PPP1R12A: variants seen among roughly 807,000 people sequenced by gnomAD.
PPP1R12A encodes protein phosphatase 1 regulatory subunit 12A, also known as myosin binding subunit.
PPP1R12A carries 19 observed loss-of-function variants against 139.6 expected under a neutral mutation model. That is an observed-to-expected ratio of 0.14 (90% CI 0.09 to 0.20). The LOEUF is 0.20. Among genes scored for constraint, PPP1R12A ranks in the 10% least tolerant of loss-of-function variants. The pLI is 1.00. For missense variants in PPP1R12A, 925 were observed against 1,211.5 expected, an observed-to-expected ratio of 0.76 and a Z score of 3.51; for synonymous variants, 427 against 420.6, an observed-to-expected ratio of 1.02 and a Z score of -0.19.
intron 1 of PPP1R12A, among the ~76,000 whole-genome samples, chr12:79,931,608 A>G (rs906812824): frequency 2.0e-5 from 3 of 152,222 alleles, no homozygotes; most frequent in Admixed American, 1.3e-4. Context: ...TCTTTACAAA[A>G]TATGCTAAAA....
chr12:79,801,171 C>A (rs1296810231), intron 14 of PPP1R12A, among the ~76,000 whole-genome samples: 2 of 150,732 alleles, frequency 1.3e-5, no homozygotes, highest in East Asian at 4.0e-4. Flanking sequence ...CATGGAGAAA[C>A]CCCATCTCTA....
At chr12:79,829,447 C>T (rs1877156981) in intron 4 of PPP1R12A, among the ~76,000 whole-genome samples, 1 of 152,066 alleles carries the variant, frequency 6.6e-6, no homozygotes. Context: ...CTAATCCTGC[C>T]TCCGTAACGG....
chr12:79,842,715 T>C (rs960462035), intron 3 of PPP1R12A, among the ~76,000 whole-genome samples: 2 of 152,096 alleles, frequency 1.3e-5, no homozygotes, highest in Non-Finnish European at 2.9e-5. Context: ...TAACTTTTTT[T>C]TTTGTTTTCA....
intron 1 of PPP1R12A, among the ~76,000 whole-genome samples, chr12:79,910,846 GAA>G (rs1431952742): frequency 1.3e-5 from 2 of 152,160 alleles, no homozygotes; most frequent in African/African-American, 4.8e-5. Flanking sequence ...TTTGAAAAGG[GAA>G]AGTGGAAAGT....
intron 2 of PPP1R12A, among the ~76,000 whole-genome samples, chr12:79,851,474 T>C (rs1436492254): frequency 6.6e-6 from 1 of 152,222 alleles, no homozygotes; most frequent in Non-Finnish European, 1.5e-5. Context: ...ATGTGACATG[T>C]AGTCTCCATG....
intron 9 of PPP1R12A, among the ~76,000 whole-genome samples, chr12:79,812,301 CTCT>C (rs1874641786): frequency 6.6e-6 from 1 of 151,904 alleles, no homozygotes; most frequent in Non-Finnish European, 1.5e-5. Flanking sequence ...CCATTAAACT[CTCT>C]TCTTTGGCTT....
chr12:79,911,333 C>T (rs918089679), intron 1 of PPP1R12A, among the ~76,000 whole-genome samples: 3 of 152,064 alleles, frequency 2.0e-5, no homozygotes, highest in Admixed American at 1.3e-4. Context: ...TTATCCTAAG[C>T]GAACTAACAC....
intron 3 of PPP1R12A, among the ~76,000 whole-genome samples, chr12:79,840,564 T>G (rs1011280995): frequency 1.3e-5 from 2 of 152,190 alleles, no homozygotes; most frequent in Non-Finnish European, 2.9e-5. Flanking sequence ...CTACATGAAC[T>G]CATCTAATCA....
chr12:79,858,517 C>G (rs1466336587), intron 2 of PPP1R12A, among the ~76,000 whole-genome samples: 2 of 152,164 alleles, frequency 1.3e-5, no homozygotes, highest in Non-Finnish European at 2.9e-5. Flanking sequence ...GCTGGTAATT[C>G]ATTCAAAGTT....
At chr12:79,902,433 T>C (rs1021634407) in intron 1 of PPP1R12A, among the ~76,000 whole-genome samples, 1 of 152,130 alleles carries the variant, frequency 6.6e-6, no homozygotes, top group African/African-American at 2.4e-5. Flanking sequence ...AGTCTTGAAA[T>C]CTTTGACACC....
intron 22 of PPP1R12A, among the ~76,000 whole-genome samples, chr12:79,782,882 A>C (rs1453134501): frequency 6.6e-6 from 1 of 152,200 alleles, no homozygotes; most frequent in Non-Finnish European, 1.5e-5. Context: ...TTTCACTGTT[A>C]AATGTGGTAA....
intron 2 of PPP1R12A, among the ~76,000 whole-genome samples, chr12:79,861,567 C>A (rs1881318928): frequency 6.6e-6 from 1 of 152,154 alleles, no homozygotes. Context: ...CCAAGGGAAG[C>A]CGTGAGTGAC....
At chr12:79,778,695 G>A (rs1446710304) in intron 23 of PPP1R12A, 95 bp from the exon 24 acceptor site, 13 of 809,078 alleles carry the variant, frequency 1.6e-5, no homozygotes, top group South Asian at 1.3e-4. Flanking sequence ...AGAATTAAAG[G>A]TCCAATCAGG....
intron 1 of PPP1R12A, among the ~76,000 whole-genome samples, chr12:79,881,698 G>A (rs1883654342): frequency 1.3e-5 from 2 of 152,206 alleles, no homozygotes; most frequent in African/African-American, 4.8e-5. Context: ...TTTCACTGTA[G>A]ACACGGCAAC....
At chr12:79,932,088 G>A (rs1349307) in intron 1 of PPP1R12A, among the ~76,000 whole-genome samples, 122,534 of 152,168 alleles carry the variant, frequency 0.81, 51,126 homozygotes, top group Non-Finnish European at 0.92. Context: ...ATCAAAACCA[G>A]AAAGTAAATG....
intron 20 of PPP1R12A, 140 bp from the exon 21 acceptor site, chr12:79,788,923 T>C (rs1871451030): frequency 2.7e-6 from 2 of 733,464 alleles, no homozygotes; most frequent in Non-Finnish European, 4.1e-6. Flanking sequence ...ATTTTTGTGA[T>C]ATATAATAAG....
At chr12:79,915,053 A>G (rs1231085645) in intron 1 of PPP1R12A, among the ~76,000 whole-genome samples, 1 of 152,108 alleles carries the variant, frequency 6.6e-6, no homozygotes. Context: ...ATATATGCAC[A>G]AAATCCTTCT....
chr12:79,837,894 G>A (rs544805658), intron 3 of PPP1R12A, among the ~76,000 whole-genome samples: 32 of 152,142 alleles, frequency 2.1e-4, no homozygotes, highest in Non-Finnish European at 4.1e-4. Context: ...CCCACTCTCG[G>A]GTACTTTTTC....
chr12:79,796,752 C>A (rs1445426075), intron 17 of PPP1R12A, 30 bp downstream of exon 17: 2 of 1,532,600 alleles, frequency 1.3e-6, no homozygotes, highest in East Asian at 4.6e-5. Context: ...ATGAAGAAAG[C>A]AAAGTGTTTT....
Sources: allele counts gnomAD v4.1 joint callset (sites outside exome capture counted in the v4.1 genomes callset), GRCh38; gene constraint gnomAD v4.1.1; transcripts MANE v1.5; gene names NCBI Gene and HGNC (gene_info 2026-07-23, HGNC 2026-07-21).